The following CAPRIN2 variants were observed in gnomAD, a reference collection of about 807,000 sequenced individuals.
CAPRIN2 encodes caprin-2.
CAPRIN2 carries 66 observed loss-of-function variants against 130.4 expected under a neutral mutation model. The observed-to-expected ratio is 0.51, with a 90% confidence interval of 0.42 to 0.62. CAPRIN2 has a LOEUF of 0.62. CAPRIN2 is among the 20% of genes least tolerant of loss of function. The pLI, the probability that CAPRIN2 is intolerant of heterozygous loss-of-function variation, is 0.00. For synonymous variants in CAPRIN2, 471 were observed against 444.1 expected (o/e 1.06, Z -0.76); for missense variants, 1,185 against 1,246.6 (o/e 0.95, Z 0.74).
chr12:30,722,639 A>G (rs955971161), intron 11 of CAPRIN2, among the ~76,000 whole-genome samples: 5 of 152,192 alleles, frequency 3.3e-5, no homozygotes, highest in Non-Finnish European at 5.9e-5. Context: ...AGTGGCTCAC[A>G]CCTGTAATCC....
At chr12:30,728,890 ACTTTGGAGTTTGCTT>A (rs1220463883) in exon 8 of CAPRIN2, 3 of 1,614,072 alleles carry the variant, frequency 1.9e-6, no homozygotes, top group East Asian at 2.2e-5. Flanking sequence ...GGTGTCCAAG[ACTTTGGAGTTTGCTT>A]CTTTGGATCT....
At chr12:30,731,437 A>G (rs1592128989) in exon 6 of CAPRIN2, 4 of 1,612,894 alleles carry the variant, frequency 2.5e-6, no homozygotes, top group Middle Eastern at 3.3e-4. Flanking sequence ...TTTCCTTGGC[A>G]TTTTTGGGAA....
At chr12:30,730,281 C>T (rs753169505) in exon 7 of CAPRIN2, 3 of 1,605,658 alleles carry the variant, frequency 1.9e-6, no homozygotes, top group Admixed American at 3.3e-5. Context: ...CCATTAGAGA[C>T]TCTGGGATGA....
intron 2 of CAPRIN2, among the ~76,000 whole-genome samples, chr12:30,741,338 AAT>A (rs2067335674): frequency 6.6e-6 from 1 of 152,134 alleles, no homozygotes; most frequent in African/African-American, 2.4e-5. Context: ...TTATATTAGA[AAT>A]ATGAGTCCTA....
intron 10 of CAPRIN2, among the ~76,000 whole-genome samples, 197 bp downstream of exon 11, chr12:30,724,173 G>C (rs1470648520): frequency 6.6e-6 from 1 of 152,184 alleles, no homozygotes; most frequent in East Asian, 1.9e-4. Flanking sequence ...TCCAAAAAAT[G>C]AAAACAAGTC....
chr12:30,725,931 T>C, intron 9 of CAPRIN2, 35 bp downstream of exon 10: 1 of 1,488,182 alleles, frequency 6.7e-7, no homozygotes, highest in South Asian at 1.4e-5. Flanking sequence ...AGAAGCCCCA[T>C]GAATATCATT....
At chr12:30,727,544 A>G (rs1157636034) in intron 8 of CAPRIN2, among the ~76,000 whole-genome samples, 1 of 152,220 alleles carries the variant, frequency 6.6e-6, no homozygotes, top group African/African-American at 2.4e-5. Flanking sequence ...ACAAGTTCAC[A>G]TATCTCAGCA....
chr12:30,737,887 G>A (rs1386266042), intron 3 of CAPRIN2, among the ~76,000 whole-genome samples: 1 of 152,094 alleles, frequency 6.6e-6, no homozygotes, highest in Non-Finnish European at 1.5e-5. Flanking sequence ...GTGAGCCACC[G>A]CGCCTGGCCG....
chr12:30,734,179 G>A (rs1355755001), intron 4 of CAPRIN2, among the ~76,000 whole-genome samples: 4 of 152,186 alleles, frequency 2.6e-5, no homozygotes, highest in East Asian at 1.9e-4. Flanking sequence ...AGATGATGAC[G>A]ATGGAGTAGA....
chr12:30,719,194 G>A lies in CAPRIN2; in HGVS notation c.2148+1617C>T. On this transcript the variant is annotated intron_variant, in intron 12 of 16. Coordinates refer to ENST00000298892, the Ensembl canonical transcript of CAPRIN2. ...CATGGGAGGATTTGGAGAAGCTAGTGAAGACGGTTGCTTGCCTGGGGGAAT... is the reference window on the plus strand; with the variant it reads ...CATGGGAGGATTTGGAGAAGCTAGTAAAGACGGTTGCTTGCCTGGGGGAAT... 1 of 1,614,068 alleles carries A rather than the reference G, an allele frequency of 6.2e-7. No individual in the cohort carries two copies. The highest frequency in any genetic ancestry group is 8.5e-7 in the Non-Finnish European group (1 of 1,179,946).
At chr12:30,728,861 C>T in exon 8 of CAPRIN2, 1 of 1,614,140 alleles carries the variant, frequency 6.2e-7, no homozygotes, top group East Asian at 2.2e-5. Flanking sequence ...TGGTGGTGTT[C>T]TGTTCGCTCT....
intron 3 of CAPRIN2, among the ~76,000 whole-genome samples, chr12:30,735,709 G>C (rs1218662032): frequency 2.0e-5 from 3 of 152,102 alleles, no homozygotes. Flanking sequence ...CCAAAAACCA[G>C]CCACAGCAAA....
chr12:30,727,204 A>T (rs1207663393), intron 8 of CAPRIN2, among the ~76,000 whole-genome samples: 1 of 152,182 alleles, frequency 6.6e-6, no homozygotes, highest in African/African-American at 2.4e-5. Context: ...ATGTTTTTCA[A>T]AATAGTTACA....
chr12:30,753,980 C>T (rs1045219146), exon 1 of CAPRIN2: 1 of 532,338 alleles, frequency 1.9e-6, no homozygotes, highest in African/African-American at 1.9e-5. Flanking sequence ...CTTTCCACAC[C>T]GGGACCTAAG....
At chr12:30,726,832 T>C (rs1328235471) in intron 8 of CAPRIN2, among the ~76,000 whole-genome samples, 1 of 152,158 alleles carries the variant, frequency 6.6e-6, no homozygotes, top group Non-Finnish European at 1.5e-5. Context: ...TGAACATCAG[T>C]GATTAATTTC....
intron 2 of CAPRIN2, among the ~76,000 whole-genome samples, chr12:30,747,598 A>G (rs1228248901): frequency 6.6e-6 from 1 of 151,620 alleles, no homozygotes; most frequent in Admixed American, 6.6e-5. Flanking sequence ...AATCGCTTGA[A>G]CCTGGGAGGT....
chr12:30,746,844 A>T (rs2070745857), intron 2 of CAPRIN2, among the ~76,000 whole-genome samples: 1 of 152,258 alleles, frequency 6.6e-6, no homozygotes, highest in Non-Finnish European at 1.5e-5. Flanking sequence ...TAGAAGCTGC[A>T]TCAAGTTAGC....
chr12:30,719,300 T>A, intron 12 of CAPRIN2, 75 bp from the exon 14 acceptor site: 1 of 1,547,534 alleles, frequency 6.5e-7, no homozygotes. Context: ...AAACCCAAAC[T>A]GGCATAAGTC....
At chr12:30,740,776 G>C (rs1431514330) in intron 3 of CAPRIN2, among the ~76,000 whole-genome samples, 2 of 152,146 alleles carry the variant, frequency 1.3e-5, no homozygotes, top group Non-Finnish European at 2.9e-5. Context: ...ACATACATTA[G>C]ATAACTAATG....
Sources: gnomAD v4.1 joint callset for allele counts (sites outside exome capture counted in the v4.1 genomes callset) on GRCh38, gnomAD v4.1.1 for gene constraint, MANE v1.5 for transcripts, NCBI Gene and HGNC (gene_info 2026-07-23, HGNC 2026-07-21) for gene names.